DNAH3: variants seen among roughly 807,000 people sequenced by gnomAD.
The protein encoded by DNAH3 is axonemal beta dynein heavy chain 3.
A neutral mutation model predicts 432.5 loss-of-function variants in DNAH3; 332 were observed. That is an observed-to-expected ratio of 0.77 (90% CI 0.70 to 0.84). DNAH3 has a LOEUF of 0.84. Among genes scored for constraint, DNAH3 ranks in the 40% least tolerant of loss-of-function variants. The probability of loss-of-function intolerance (pLI) is 0.00; values close to 1 mark genes in which losing one functional copy is unlikely to be tolerated. For missense variants in DNAH3, 4,861 were observed against 5,114.0 expected (o/e 0.95, Z 1.51); for synonymous variants, 1,956 against 1,900.2 (o/e 1.03, Z -0.76).
chr16:21,094,660 C>T (rs909713430), intron 18 of DNAH3, among the ~76,000 whole-genome samples: 1 of 151,990 alleles, frequency 6.6e-6, no homozygotes, highest in Non-Finnish European at 1.5e-5. Flanking sequence ...AGTGACACTC[C>T]ATCTCAAATA....
chr16:20,992,804 T>C (rs536967123), intron 44 of DNAH3, among the ~76,000 whole-genome samples: 4 of 152,346 alleles, frequency 2.6e-5, no homozygotes, highest in East Asian at 1.9e-4. Flanking sequence ...TCAGTGGACA[T>C]TAAACATCAA....
intron 31 of DNAH3, 110 bp downstream of exon 31, chr16:21,049,459 T>C (rs2152741986): frequency 1.3e-6 from 1 of 786,386 alleles, no homozygotes. Context: ...TGGAGGTTCT[T>C]GTGTCTGCCA....
At chr16:21,008,821 C>T (rs557821422) in intron 41 of DNAH3, among the ~76,000 whole-genome samples, 2 of 152,304 alleles carry the variant, frequency 1.3e-5, no homozygotes, top group South Asian at 4.1e-4. Context: ...ATCTTGTTTT[C>T]TCTCCTTATT....
intron 36 of DNAH3, among the ~76,000 whole-genome samples, chr16:21,033,051 C>T (rs1033872260): frequency 6.6e-6 from 1 of 152,154 alleles, no homozygotes; most frequent in African/African-American, 2.4e-5. Context: ...ACTGCAGCCA[C>T]AAACTCCTGA....
chr16:21,084,206 G>A (rs1466686873), intron 19 of DNAH3, among the ~76,000 whole-genome samples: 1 of 152,134 alleles, frequency 6.6e-6, no homozygotes, highest in African/African-American at 2.4e-5. Context: ...TGTTTTAAGG[G>A]TGAAATGTGA....
intron 50 of DNAH3, 58 bp downstream of exon 50, chr16:20,979,272 C>T (rs531212543): frequency 1.1e-5 from 17 of 1,542,926 alleles, no homozygotes; most frequent in Admixed American, 5.1e-5. Context: ...ACACATGCCT[C>T]GGCACATCCA....
intron 47 of DNAH3, among the ~76,000 whole-genome samples, chr16:20,986,758 C>T (rs1242509664): frequency 3.3e-5 from 5 of 152,112 alleles, no homozygotes; most frequent in African/African-American, 7.2e-5. Context: ...AACCCAGTGA[C>T]GCTTTTGCAC....
intron 54 of DNAH3, among the ~76,000 whole-genome samples, chr16:20,958,632 T>C (rs944865453): frequency 6.6e-6 from 1 of 152,198 alleles, no homozygotes; most frequent in African/African-American, 2.4e-5. Flanking sequence ...TCCTGGGCCA[T>C]TGTCAGGCCT....
intron 52 of DNAH3, among the ~76,000 whole-genome samples, chr16:20,969,332 G>A (rs764877358): frequency 9.2e-5 from 14 of 152,090 alleles, no homozygotes; most frequent in Non-Finnish European, 1.9e-4. Context: ...GTGTATAGGT[G>A]TCTGGGTCTC....
In DNAH3 at chr16:21,098,664, C is replaced by T. The variant is rs755664129; in HGVS notation, c.2472G>A (p.Lys824=). The T allele has an allele frequency of 5.6e-6, 9 of 1,613,792 alleles. No homozygotes were observed. In the Admixed American group the frequency reaches 1.3e-4, roughly 24 times the overall value. ...TTAGGTTCTTTGAAAGCTCATTAAG[C>T]TTTTCAACATTGTGCTTCATTTCTT... The change falls in exon 17 of 62, where the codon AAG becomes AAA. Residue 824 remains lysine (K), a synonymous_variant. Transcript: ENST00000261383.
intron 40 of DNAH3, 69 bp downstream of exon 40, chr16:21,021,902 C>A (rs2088246747): frequency 3.0e-6 from 4 of 1,345,328 alleles, no homozygotes; most frequent in Non-Finnish European, 4.0e-6. Flanking sequence ...GACTTCATCT[C>A]AAAAAAAAAA....
chr16:21,074,118 G>C (rs140765219), intron 21 of DNAH3, among the ~76,000 whole-genome samples: 4 of 152,220 alleles, frequency 2.6e-5, no homozygotes, highest in African/African-American at 9.6e-5. Context: ...TTCATGCTAG[G>C]TGAAGAAAGG....
At chr16:21,074,120 G>A (rs1361807207) in intron 21 of DNAH3, among the ~76,000 whole-genome samples, 5 of 152,140 alleles carry the variant, frequency 3.3e-5, no homozygotes, top group Non-Finnish European at 5.9e-5. Flanking sequence ...CATGCTAGGT[G>A]AAGAAAGGGA....
chr16:21,015,693 A>G (rs1263675176), intron 41 of DNAH3, among the ~76,000 whole-genome samples: 1 of 152,204 alleles, frequency 6.6e-6, no homozygotes, highest in Non-Finnish European at 1.5e-5. Context: ...TTTCTGCAAC[A>G]TTTTTCTATA....
chr16:21,124,941 T>G (rs894719637), intron 9 of DNAH3, among the ~76,000 whole-genome samples: 2 of 151,214 alleles, frequency 1.3e-5, no homozygotes, highest in Non-Finnish European at 2.9e-5. Flanking sequence ...TGGCCTGTAA[T>G]GCACCCGGCC....
In DNAH3 at chr16:21,125,228, C is replaced by T. The variant is rs774996202; in HGVS notation, c.1351G>A (p.Glu451Lys). ...TCCTCAAGTGACTTAATGACCAGCT[C>T]CCTAAGCTGCAGCGACATGAATGAT... Residue 451 changes from glutamate (E) to lysine (K), a missense_variant, in exon 9 of 62, where the codon GAG (glutamate) becomes AAG (lysine). Transcript: ENST00000261383. The T allele has an allele frequency of 1.3e-5, 21 of 1,613,512 alleles. No individual in the cohort carries two copies. The South Asian group carries it at 2.2e-4, about 17-fold the overall frequency.
At chr16:21,132,469 A>T (rs2092578748) in intron 7 of DNAH3, among the ~76,000 whole-genome samples, 1 of 152,226 alleles carries the variant, frequency 6.6e-6, no homozygotes, top group Admixed American at 6.5e-5. Flanking sequence ...CACTAAAAAA[A>T]CCAGAGTCTT....
intron 19 of DNAH3, among the ~76,000 whole-genome samples, chr16:21,083,526 C>T (rs1452260073): frequency 6.6e-6 from 1 of 152,172 alleles, no homozygotes; most frequent in Admixed American, 6.5e-5. Flanking sequence ...GCTTCCATTT[C>T]GTTTGAAACC....
chr16:21,020,348 G>GTGTGTGTGTATATATA, intron 40 of DNAH3, among the ~76,000 whole-genome samples: 4 of 69,158 alleles, frequency 5.8e-5, no homozygotes, highest in South Asian at 6.4e-4. Flanking sequence ...TATAGTGTGT[G>GTGTGTGTGTATATATA]TATATATATA....
Sources: gnomAD v4.1 joint callset for allele counts (sites outside exome capture counted in the v4.1 genomes callset) on GRCh38, gnomAD v4.1.1 for gene constraint, MANE v1.5 for transcripts, NCBI Gene and HGNC (gene_info 2026-07-23, HGNC 2026-07-21) for gene names.